The following PARD3 variants were observed in gnomAD, a reference collection of about 807,000 sequenced individuals.
The protein encoded by PARD3 is par-3 family cell polarity regulator.
PARD3 carries 75 observed loss-of-function variants against 155.4 expected under a neutral mutation model. That is an observed-to-expected ratio of 0.48 (90% CI 0.40 to 0.58). The LOEUF (loss-of-function observed/expected upper bound fraction) is 0.58, where lower values mean the gene tolerates loss of function less well. Among genes scored for constraint, PARD3 ranks in the 20% least tolerant of loss-of-function variants. The pLI is 0.00. For missense variants in PARD3, 1,642 were observed against 1,721.7 expected, an observed-to-expected ratio of 0.95 and a Z score of 0.82; for synonymous variants, 576 against 610.5, an observed-to-expected ratio of 0.94 and a Z score of 0.83.
intron 2 of PARD3, among the ~76,000 whole-genome samples, chr10:34,573,780 CACACAG>C (rs1284924106): frequency 0.011 from 1,480 of 133,912 alleles, 19 homozygotes; most frequent in African/African-American, 0.036. Context: ...CACACACACA[CACACAG>C]AGAATCAGCC....
chr10:34,469,320 A>G (rs1266176980), intron 4 of PARD3, among the ~76,000 whole-genome samples: 1 of 152,220 alleles, frequency 6.6e-6, no homozygotes, highest in African/African-American at 2.4e-5. Flanking sequence ...TATGTTGGCC[A>G]GGCGGGCCTT....
chr10:34,322,710 C>A (rs1194362574), intron 19 of PARD3, among the ~76,000 whole-genome samples: 1 of 152,090 alleles, frequency 6.6e-6, no homozygotes, highest in African/African-American at 2.4e-5. Context: ...CAACAATACT[C>A]TCCTCTGAGG....
At chr10:34,649,714 T>C (rs948743975) in intron 2 of PARD3, among the ~76,000 whole-genome samples, 8 of 152,250 alleles carry the variant, frequency 5.3e-5, no homozygotes, top group African/African-American at 1.9e-4. Context: ...AAAGATTCTT[T>C]CTTCCACAAT....
chr10:34,549,651 A>G (rs2084377131), intron 2 of PARD3, among the ~76,000 whole-genome samples: 1 of 152,148 alleles, frequency 6.6e-6, no homozygotes, highest in African/African-American at 2.4e-5. Context: ...CCTAAAATAC[A>G]CTCAATTACA....
chr10:34,480,148 C>T (rs2078981912), intron 3 of PARD3, among the ~76,000 whole-genome samples: 1 of 152,238 alleles, frequency 6.6e-6, no homozygotes, highest in South Asian at 2.1e-4. Context: ...GAGCAGAGCA[C>T]AGATAGGTGT....
intron 22 of PARD3, among the ~76,000 whole-genome samples, chr10:34,144,215 A>T (rs534406078): frequency 4.6e-5 from 7 of 152,300 alleles, no homozygotes; most frequent in Admixed American, 3.9e-4. Context: ...TTTCAAAGTA[A>T]TACTACATGT....
chr10:34,753,011 G>C (rs561764949), intron 1 of PARD3, among the ~76,000 whole-genome samples: 1 of 152,148 alleles, frequency 6.6e-6, no homozygotes. Flanking sequence ...TTTTCTAATG[G>C]AAGAAAACAG....
chr10:34,445,234 G>A (rs1429271593), intron 5 of PARD3, among the ~76,000 whole-genome samples: 1 of 152,180 alleles, frequency 6.6e-6, no homozygotes, highest in Non-Finnish European at 1.5e-5. Flanking sequence ...AATTAAATGG[G>A]AATAATTGGA....
intron 2 of PARD3, among the ~76,000 whole-genome samples, chr10:34,559,953 G>C (rs2134046976): frequency 6.6e-6 from 1 of 152,308 alleles, no homozygotes; most frequent in South Asian, 2.1e-4. Flanking sequence ...AGTCAGTGAA[G>C]AGAGAAGCTT....
chr10:34,292,724 T>TA (rs1253801128), intron 20 of PARD3, among the ~76,000 whole-genome samples: 1 of 151,450 alleles, frequency 6.6e-6, no homozygotes, highest in Non-Finnish European at 1.5e-5. Flanking sequence ...TTATTATTAT[T>TA]TTTTTTTTTA....
intron 1 of PARD3, among the ~76,000 whole-genome samples, chr10:34,708,379 G>A (rs1039093930): frequency 3.9e-5 from 6 of 152,078 alleles, no homozygotes; most frequent in Admixed American, 2.0e-4. Context: ...GACAACTGAA[G>A]AAATTTGTCA....
intron 1 of PARD3, among the ~76,000 whole-genome samples, chr10:34,761,859 C>T (rs755232561): frequency 5.9e-5 from 9 of 152,044 alleles, no homozygotes; most frequent in Non-Finnish European, 1.2e-4. Context: ...TCATGATAAA[C>T]GAACCAGGGA....
At chr10:34,192,278 G>A (rs773677403) in intron 22 of PARD3, among the ~76,000 whole-genome samples, 13 of 151,958 alleles carry the variant, frequency 8.6e-5, no homozygotes, top group African/African-American at 3.1e-4. Flanking sequence ...TTTTGTTTTG[G>A]GTAGAGACAG....
intron 1 of PARD3, among the ~76,000 whole-genome samples, chr10:34,716,580 C>CTTTTCTTTT (rs1176054506): frequency 8.2e-5 from 9 of 109,482 alleles, no homozygotes; most frequent in Middle Eastern, 5.3e-3. Flanking sequence ...CCCAGGATGG[C>CTTTTCTTTT]TTTTCTTTTT....
intron 1 of PARD3, among the ~76,000 whole-genome samples, chr10:34,706,166 T>TA (rs1564529166): frequency 6.6e-6 from 1 of 152,194 alleles, no homozygotes; most frequent in South Asian, 2.1e-4. Flanking sequence ...TTTACAATTT[T>TA]AAAAAATGCA....
Position 34,814,944 on chromosome 10 carries a change from C to T in PARD3, c.52G>A (p.Asp18Asn). The T allele has an allele frequency of 6.4e-7, 1 of 1,565,860 alleles. No homozygotes were observed. Among genetic ancestry groups the T allele is most frequent in the Non-Finnish European group, 8.6e-7 (1 of 1,158,328 alleles). Residue 18 changes from aspartate to asparagine, a missense_variant, in exon 1 of 25, where the codon GAC becomes AAC. Coordinates refer to ENST00000374788, the MANE Select transcript of PARD3 (RefSeq NM_001184785.2). ...GRTRVVVPCG[D>N]GHMKVFSLIQ... ...AGGCTGAAAACTTTCATGTGGCCGT[C>T]CCCGCACGGCACGACCACCCGGGTC... is the stretch of plus-strand genomic sequence containing the variant.
intron 22 of PARD3, among the ~76,000 whole-genome samples, chr10:34,235,090 T>TA (rs1283945551): frequency 3.9e-5 from 6 of 152,210 alleles, no homozygotes; most frequent in Non-Finnish European, 8.8e-5. Context: ...AAGTTACTAT[T>TA]AATTTTTTAA....
At chr10:34,684,816 C>CAT (rs1429371059) in intron 2 of PARD3, among the ~76,000 whole-genome samples, 2 of 111,204 alleles carry the variant, frequency 1.8e-5, no homozygotes, top group African/African-American at 3.9e-5. Flanking sequence ...CACACACACA[C>CAT]ACACACACAC....
intron 2 of PARD3, among the ~76,000 whole-genome samples, chr10:34,632,884 C>T (rs2092326267): frequency 2.6e-5 from 4 of 152,186 alleles, no homozygotes; most frequent in Admixed American, 2.6e-4. Context: ...TTCCCGTTGG[C>T]TTAACAGAGC....
Sources: allele counts gnomAD v4.1 joint callset (sites outside exome capture counted in the v4.1 genomes callset), GRCh38; gene constraint gnomAD v4.1.1; transcripts MANE v1.5; gene names NCBI Gene and HGNC (gene_info 2026-07-23, HGNC 2026-07-21).